The following DCAF4 variants were observed in gnomAD, a reference collection of about 807,000 sequenced individuals.
DCAF4 encodes DDB1 and CUL4 associated factor 4, also known as DDB1- and CUL4-associated factor 4.
A neutral mutation model predicts 60.9 loss-of-function variants in DCAF4; 37 were observed. The ratio of observed to expected loss-of-function variants is 0.61; its 90% CI spans 0.47 to 0.80. The LOEUF (loss-of-function observed/expected upper bound fraction) is 0.80, where lower values mean the gene tolerates loss of function less well. DCAF4 is among the 30% of genes least tolerant of loss of function. The pLI is 0.00. For synonymous variants in DCAF4, 243 were observed against 254.8 expected (o/e 0.95, Z 0.44); for missense variants, 577 against 650.0 (o/e 0.89, Z 1.22).
At position 72,926,538 on chromosome 14, in the gene DCAF4, G is replaced by C. The variant is rs3213729; in HGVS notation, c.-14G>C. The C allele has an allele frequency of 0.18, 26,752 of 152,378 alleles. 4,744 individuals are homozygous for C. The highest frequency in any genetic ancestry group is 0.46 in the African/African-American group (18,981 of 41,516). 9.4% of individuals were successfully genotyped at this position (152,378 alleles called of 1,614,324 possible). A position where few individuals can be genotyped will look rare whatever the true frequency, so the allele number is the denominator to read the frequency against. ...GAGGGGAATCCGGAAGGGACACGCT[G>C]AACAGGTAAGACTGTGCTGCCTGGG... On this transcript the variant is annotated 5_prime_UTR_variant, in exon 1 of 14. Coordinates refer to ENST00000358377, the MANE Select transcript of DCAF4 (RefSeq NM_015604.4).
intron 6 of DCAF4, among the ~76,000 whole-genome samples, chr14:72,945,268 C>T (rs964969172): frequency 6.6e-6 from 1 of 152,010 alleles, no homozygotes; most frequent in Non-Finnish European, 1.5e-5. Context: ...TGGTTCATGC[C>T]TGTAGTCCTA....
chr14:72,948,612 G>A (rs1891036694), intron 8 of DCAF4, among the ~76,000 whole-genome samples: 1 of 152,144 alleles, frequency 6.6e-6, no homozygotes, highest in Non-Finnish European at 1.5e-5. Flanking sequence ...TCTCGTTTCT[G>A]TGGGCTAAGG....
In DCAF4 at chr14:72,954,196, C is replaced by T. The variant is rs533140419; in HGVS notation, c.841C>T (p.Arg281Trp). Residue 281 changes from arginine (R) to tryptophan (W), a missense_variant, in exon 10 of 14, where the codon CGG becomes TGG. Coordinates refer to ENST00000358377, the MANE Select transcript of DCAF4 (RefSeq NM_015604.4). ...IDRPGMLCSF[R>W]IPGAWSCAWS... The stretch of plus-strand genomic sequence containing the variant: ...CCGGCCTGGCATGCTCTGCAGTTTC[C>T]GGATCCCTGGTGCCTGGTCCTGTGC... 8.1e-6 allele frequency: 13 copies of T among 1,614,184 alleles called. No individual in the cohort carries two copies. Among genetic ancestry groups the T allele is most frequent in the South Asian group, 6.6e-5 (6 of 91,074 alleles).
Position 72,953,763 on chromosome 14 carries a change from A to ATATATATATATATG in DCAF4, c.809-401_809-400insTATATATATATATG, listed in dbSNP as rs1327466108. On this transcript the variant is annotated intron_variant, in intron 9 of 13. Transcript: ENST00000358377. ...TATATATATATATATATATATATAT[A>ATATATATATATATG]GTTTATTTATTTATTTATTTGTGTG... 3.9e-4 allele frequency among the ~76,000 whole-genome samples: 15 copies of ATATATATATATATG among 38,136 alleles called. 1 individual carries two copies. The highest frequency in any genetic ancestry group is 1.4e-3 in the African/African-American group (15 of 10,568). 25.0% of individuals were successfully genotyped at this position (38,136 alleles called of 152,430 possible).
At position 72,952,520 on chromosome 14, in the gene DCAF4, C is replaced by A. The variant is rs1423228533; in HGVS notation, c.808+643C>A. On this transcript the variant is annotated intron_variant, in intron 9 of 13. Transcript: ENST00000358377. ...GCTTATGAGGCAGGAGTGTGTCTTACCACCATTTTACAGATAAGGAAACTG... is the reference window on the plus strand; with the variant it reads ...GCTTATGAGGCAGGAGTGTGTCTTAACACCATTTTACAGATAAGGAAACTG... Among the ~76,000 whole-genome samples the A allele has an allele frequency of 2.0e-5, 3 of 152,092 alleles. No individual in the cohort carries two copies. The East Asian group carries it at 5.8e-4, about 29-fold the overall frequency.
intron 1 of DCAF4, among the ~76,000 whole-genome samples, chr14:72,928,517 T>G (rs1887998999): frequency 6.6e-6 from 1 of 151,324 alleles, no homozygotes; most frequent in Non-Finnish European, 1.5e-5. Flanking sequence ...CTTACAAAAT[T>G]CCCCTGTTGT....
rs182492168 is a variant in DCAF4, at chr14:72,929,629, C to A, written c.-9+3086C>A. On this transcript the variant is annotated intron_variant, in intron 1 of 13. Coordinates refer to ENST00000358377, the MANE Select transcript of DCAF4 (RefSeq NM_015604.4). ...GAGGGGGCTCAGTCTTTCTTGGCAG[C>A]GGCTTTCCTCATGGCAGCCAGTACC... is the stretch of plus-strand genomic sequence containing the variant. 1.7e-3 allele frequency: 2,086 copies of A among 1,238,604 alleles called. 4 individuals carry two copies. Among genetic ancestry groups the A allele is most frequent in the Non-Finnish European group, 2.2e-3 (1,871 of 858,288 alleles). The allele number at this position is 1,238,604 out of a possible 1,614,324, so 76.7% of individuals were successfully genotyped here. A position where few individuals can be genotyped will look rare whatever the true frequency, so the allele number is the denominator to read the frequency against.
intron 8 of DCAF4, among the ~76,000 whole-genome samples, chr14:72,951,144 C>A (rs531243201): frequency 7.9e-5 from 12 of 152,054 alleles, no homozygotes; most frequent in Non-Finnish European, 2.9e-5. Context: ...CCACGCCCAG[C>A]TAGTTTTTGT....
chr14:72,950,187 G>C (rs1891233131), intron 8 of DCAF4, among the ~76,000 whole-genome samples: 1 of 152,186 alleles, frequency 6.6e-6, no homozygotes, highest in Non-Finnish European at 1.5e-5. Flanking sequence ...TGGCATTGTT[G>C]GGGGATAGAC....
At chr14:72,950,923 G>A (rs1167213513) in intron 8 of DCAF4, among the ~76,000 whole-genome samples, 1 of 152,136 alleles carries the variant, frequency 6.6e-6, no homozygotes, top group East Asian at 1.9e-4. Context: ...TTCTCTCTGA[G>A]TAGAGGAGAA....
At chr14:72,953,251 C>T (rs1181039888) in intron 9 of DCAF4, among the ~76,000 whole-genome samples, 2 of 151,892 alleles carry the variant, frequency 1.3e-5, no homozygotes, top group Admixed American at 1.3e-4. Flanking sequence ...CCACCCGCTT[C>T]GGCCTCCTAA....
chr14:72,948,021 C>T (rs908945389), intron 8 of DCAF4, among the ~76,000 whole-genome samples: 1 of 152,166 alleles, frequency 6.6e-6, no homozygotes. Context: ...CTCATTGTAC[C>T]TCACACCTAC....
At position 72,954,262 on chromosome 14, in the gene DCAF4, G is replaced by GTTATT; in HGVS notation, c.907_907+1insTTATT (p.Gly303ValfsTer10). The GTTATT allele has an allele frequency of 1.2e-6, 2 of 1,614,200 alleles. No individual in the cohort carries two copies. The highest frequency in any genetic ancestry group is 4.5e-5 in the East Asian group (2 of 44,870). ...CCAAGCAAATAACTGCTTCAGTACA[G>GTTATT]GTGAGCCTGGCTCCCCAGGTGCCCA... On this transcript the variant is annotated frameshift_variant and splice_region_variant. Transcript: ENST00000358377. LOFTEE classifies it high-confidence loss of function.
intron 1 of DCAF4, chr14:72,926,758 C>T (rs1039459254): frequency 2.0e-5 from 3 of 152,304 alleles, no homozygotes; most frequent in Non-Finnish European, 2.9e-5. Flanking sequence ...GCGTGGGGCC[C>T]TCCGGCCGGA....
At position 72,959,613 on chromosome 14, in the gene DCAF4, G is replaced by GT. The variant is rs1892712508; in HGVS notation, c.*813dup. The GT allele has an allele frequency of 3.0e-6, 3 of 985,346 alleles. No individual in the cohort carries two copies. The South Asian group carries it at 1.4e-4, about 46-fold the overall frequency. 61.0% of individuals were successfully genotyped at this position (985,346 alleles called of 1,614,324 possible). A position where few individuals can be genotyped will look rare whatever the true frequency, so the allele number is the denominator to read the frequency against. ...ATGTTTATTCAGTGTTAAAGAGCCT[G>GT]TTTTTCTACCAAACAATAAAACCAA... On this transcript the variant is annotated 3_prime_UTR_variant, in exon 14 of 14. Transcript: ENST00000358377.
intron 1 of DCAF4, among the ~76,000 whole-genome samples, chr14:72,932,145 C>T (rs1303801287): frequency 3.3e-5 from 5 of 152,066 alleles, no homozygotes; most frequent in East Asian, 1.9e-4. Flanking sequence ...TGCACCACCA[C>T]GCCTAACTAA....
In DCAF4 at chr14:72,952,963, G is replaced by C. The variant is rs1409941491; in HGVS notation, c.808+1086G>C. Reference sequence around the variant, plus strand: ...CTGCCTCGGCCTCCCAAAGTGCTGGGATTACAGGTGTGAGCCACAATGCCC... The same window carrying C: ...CTGCCTCGGCCTCCCAAAGTGCTGGCATTACAGGTGTGAGCCACAATGCCC... On this transcript the variant is annotated intron_variant, in intron 9 of 13. Coordinates refer to ENST00000358377, the MANE Select transcript of DCAF4 (RefSeq NM_015604.4). Among the ~76,000 whole-genome samples, 5 of 139,334 alleles carry C rather than the reference G, an allele frequency of 3.6e-5. 1 individual carries two copies. Among genetic ancestry groups the C allele is most frequent in the Non-Finnish European group, 7.6e-5 (5 of 65,740 alleles). 91.4% of individuals were successfully genotyped at this position (139,334 alleles called of 152,430 possible).
chr14:72,929,774 C>A, intron 1 of DCAF4: 6 of 1,058,556 alleles, frequency 5.7e-6, no homozygotes, highest in Middle Eastern at 3.0e-4. Flanking sequence ...GCAGCTCGTA[C>A]GAAGCGAAGC....
rs1160606867 is a variant in DCAF4, at chr14:72,959,312, G to A, written c.*507G>A. 2 of 985,574 alleles carry A rather than the reference G, an allele frequency of 2.0e-6. No individual in the cohort carries two copies. The highest frequency in any genetic ancestry group is 1.1e-4 in the East Asian group (1 of 8,830). 61.1% of individuals were successfully genotyped at this position (985,574 alleles called of 1,614,324 possible). The stretch of plus-strand genomic sequence containing the variant: ...AGTTTCTGCAGAAATATTGAAGGCT[G>A]GAGTTTGGAATCCTTAAACTTGGCC... On this transcript the variant is annotated 3_prime_UTR_variant, in exon 14 of 14. Transcript: ENST00000358377.
Sources: gnomAD v4.1 joint callset for allele counts (sites outside exome capture counted in the v4.1 genomes callset) on GRCh38, gnomAD v4.1.1 for gene constraint, MANE v1.5 for transcripts, NCBI Gene and HGNC (gene_info 2026-07-23, HGNC 2026-07-21) for gene names.